The following DET1 variants were observed in gnomAD, a reference collection of about 807,000 sequenced individuals.
DET1 encodes DET1 partner of COP1 E3 ubiquitin ligase.
In DET1, 22 loss-of-function variants were observed where a neutral mutation model predicts 43.7. The ratio of observed to expected loss-of-function variants is 0.50; its 90% CI spans 0.36 to 0.72. The LOEUF is 0.72. DET1 is among the 30% of genes least tolerant of loss of function. The pLI is 0.00. For synonymous variants in DET1, 315 were observed against 266.2 expected, an observed-to-expected ratio of 1.18 and a Z score of -1.79; for missense variants, 713 against 713.3, an observed-to-expected ratio of 1.00 and a Z score of 0.00.
Position 88,512,703 on chromosome 15 carries a change from T to A in DET1, c.*248A>T. On this transcript the variant is annotated 3_prime_UTR_variant, in exon 5 of 5. Transcript: ENST00000268148. ...TAAAGCAAAAATGAAATGGACTTAA[T>A]TAATGCTGGGCATTCCCACAGGGAA... 9 of 1,230,232 alleles carry A rather than the reference T, an allele frequency of 7.3e-6. No homozygotes were observed. Among genetic ancestry groups the A allele is most frequent in the Non-Finnish European group, 8.1e-6 (8 of 985,562 alleles). 76.2% of individuals were successfully genotyped at this position (1,230,232 alleles called of 1,614,324 possible). A position where few individuals can be genotyped will look rare whatever the true frequency, so the allele number is the denominator to read the frequency against.
At chr15:88,528,794 G>A (rs1295123970) in intron 2 of DET1, among the ~76,000 whole-genome samples, 3 of 152,256 alleles carry the variant, frequency 2.0e-5, no homozygotes, top group East Asian at 1.9e-4. Flanking sequence ...GGAGCCATTC[G>A]ACCCACCTGT....
At chr15:88,532,432 T>C (rs996551911) in intron 1 of DET1, among the ~76,000 whole-genome samples, 1 of 152,196 alleles carries the variant, frequency 6.6e-6, no homozygotes, top group Non-Finnish European at 1.5e-5. Flanking sequence ...AAAATCCTAA[T>C]AGCACTTTTC....
chr15:88,527,031 T>C (rs2056681139), intron 3 of DET1, among the ~76,000 whole-genome samples: 1 of 152,216 alleles, frequency 6.6e-6, no homozygotes, highest in African/African-American at 2.4e-5. Flanking sequence ...CTTGAGTTTC[T>C]GCTCTCTGAG....
chr15:88,523,859 ACC>A (rs748332807), intron 3 of DET1, among the ~76,000 whole-genome samples: 2 of 149,126 alleles, frequency 1.3e-5, no homozygotes, highest in East Asian at 2.0e-4. Flanking sequence ...CCCGGCCGCC[ACC>A]CCGTCTGGGA....
At chr15:88,532,173 CAT>C (rs1009163542) in intron 1 of DET1, among the ~76,000 whole-genome samples, 1 of 152,120 alleles carries the variant, frequency 6.6e-6, no homozygotes, top group African/African-American at 2.4e-5. Context: ...CATGGTGGCA[CAT>C]GACTGTAGTT....
chr15:88,516,640 A>C lies in DET1; in HGVS notation c.1463+142T>G. 1.5e-6 allele frequency: 1 copy of C among 651,860 alleles called. No individual in the cohort carries two copies. The highest frequency in any genetic ancestry group is 1.9e-5 in the African/African-American group (1 of 52,652). The allele number at this position is 651,860 out of a possible 1,614,324, so 40.4% of individuals were successfully genotyped here. A position where few individuals can be genotyped will look rare whatever the true frequency, so the allele number is the denominator to read the frequency against. On this transcript the variant is annotated intron_variant, in intron 4 of 4. Coordinates refer to ENST00000268148, the MANE Select transcript of DET1 (RefSeq NM_001144074.3). The surrounding 1 kb of genome is among the most constrained non-coding windows in gnomAD (Gnocchi z 4.4). ...CCTAAATGATCACAGCTCTCACTGC[A>C]TTATAGAAATAGCCTGCCTTTTCAA...
chr15:88,535,923 C>T (rs944060865), intron 1 of DET1, among the ~76,000 whole-genome samples: 2 of 152,054 alleles, frequency 1.3e-5, no homozygotes, highest in Non-Finnish European at 2.9e-5. Context: ...GGTTCAGAGA[C>T]CCCCCAAATT....
Position 88,531,967 on chromosome 15 carries a change from G to A in DET1, c.-10-252C>T, listed in dbSNP as rs1035944392. ...CCAAGTATGCTCAGCTGTTGGGAAAGTTCAACAGAAAAAAACCTACAACTA... is the reference window on the plus strand; with the variant it reads ...CCAAGTATGCTCAGCTGTTGGGAAAATTCAACAGAAAAAAACCTACAACTA... On this transcript the variant is annotated intron_variant, in intron 1 of 4. Transcript: ENST00000268148. The surrounding 1 kb of genome is among the most constrained non-coding windows in gnomAD (Gnocchi z 6.2). The A allele has an allele frequency of 1.4e-5, 6 of 437,632 alleles. No individual in the cohort carries two copies. Among genetic ancestry groups the A allele is most frequent in the East Asian group, 4.0e-5 (1 of 25,208 alleles). The allele number at this position is 437,632 out of a possible 1,614,324, so 27.1% of individuals were successfully genotyped here.
At chr15:88,544,337 G>T (rs2057190271) in intron 1 of DET1, among the ~76,000 whole-genome samples, 1 of 152,192 alleles carries the variant, frequency 6.6e-6, no homozygotes, top group African/African-American at 2.4e-5. Context: ...CTTAGAGTAA[G>T]GTGCACCCTT....
At chr15:88,544,263 C>T (rs749719103) in intron 1 of DET1, among the ~76,000 whole-genome samples, 4 of 152,196 alleles carry the variant, frequency 2.6e-5, no homozygotes, top group Non-Finnish European at 5.9e-5. Flanking sequence ...CCTAAAAAGA[C>T]ACTCTTACAA....
At chr15:88,513,174 G>A in intron 4 of DET1, 34 bp from the exon 5 acceptor site, 1 of 1,564,860 alleles carries the variant, frequency 6.4e-7, no homozygotes, top group Middle Eastern at 1.7e-4. Context: ...AGAGAAAGAG[G>A]GGACAGGATT....
downstream of DET1, among the ~76,000 whole-genome samples, chr15:88,510,583 G>A (rs2056186844): frequency 6.6e-6 from 1 of 152,092 alleles, no homozygotes; most frequent in South Asian, 2.1e-4. Context: ...CTCAACTCAG[G>A]ATTTACTGAC....
At chr15:88,530,432 T>C (rs1227298199) in intron 2 of DET1, among the ~76,000 whole-genome samples, 191 bp downstream of exon 2, 1 of 152,240 alleles carries the variant, frequency 6.6e-6, no homozygotes, top group Admixed American at 6.5e-5. Context: ...ACTTGAACTT[T>C]AGCTTCCATT....
At chr15:88,510,557 T>C (rs555145139), downstream of DET1, among the ~76,000 whole-genome samples, 7 of 152,318 alleles carry the variant, frequency 4.6e-5, no homozygotes, top group South Asian at 1.5e-3. Flanking sequence ...ATACCCAGTA[T>C]CTGACTTAAT....
At chr15:88,543,351 A>G (rs1190052649) in intron 1 of DET1, among the ~76,000 whole-genome samples, 1 of 152,230 alleles carries the variant, frequency 6.6e-6, no homozygotes, top group African/African-American at 2.4e-5. Context: ...CATGCTGTAG[A>G]GACTTTACTA....
Position 88,512,835 on chromosome 15 carries a change from G to A in DET1, c.*116C>T, listed in dbSNP as rs1598312168. Reference sequence around the variant, plus strand: ...TCTCTCTGGCTCTCTCCCATCTGAGGTATAGCAGGCTGGAACTAACAGAGC... The same window carrying A: ...TCTCTCTGGCTCTCTCCCATCTGAGATATAGCAGGCTGGAACTAACAGAGC... On this transcript the variant is annotated 3_prime_UTR_variant, in exon 5 of 5. Coordinates refer to ENST00000268148, the MANE Select transcript of DET1 (RefSeq NM_001144074.3). 1.1e-5 allele frequency: 16 copies of A among 1,484,512 alleles called. No homozygotes were observed. Among genetic ancestry groups the A allele is most frequent in the Non-Finnish European group, 1.4e-5 (16 of 1,115,800 alleles). The allele number at this position is 1,484,512 out of a possible 1,614,324, so 92.0% of individuals were successfully genotyped here. A position where few individuals can be genotyped will look rare whatever the true frequency, so the allele number is the denominator to read the frequency against.
intron 1 of DET1, among the ~76,000 whole-genome samples, chr15:88,544,354 G>T (rs141044766): frequency 9.5e-4 from 145 of 152,294 alleles, no homozygotes; most frequent in African/African-American, 3.4e-3. Context: ...CCTTTATCAG[G>T]CTAGGTTCTC....
rs1371106372 is a variant in DET1 at position 88,514,010 on chromosome 15, A to G, written c.1464-870T>C. 4.0e-5 allele frequency among the ~76,000 whole-genome samples: 6 copies of G among 149,758 alleles called. No homozygotes were observed. The East Asian group carries it at 5.8e-4, about 14-fold the overall frequency. On this transcript the variant is annotated intron_variant, in intron 4 of 4. Coordinates refer to ENST00000268148, the MANE Select transcript of DET1 (RefSeq NM_001144074.3). Reference sequence around the variant, plus strand: ...GAGACGGGGTTTCACCGTGTTAGCCAGGATGGTCTCGATCTCCTGACCTCG... The same window carrying G: ...GAGACGGGGTTTCACCGTGTTAGCCGGGATGGTCTCGATCTCCTGACCTCG...
chr15:88,513,396 T>G (rs2056247541), intron 4 of DET1, among the ~76,000 whole-genome samples: 1 of 152,196 alleles, frequency 6.6e-6, no homozygotes, highest in Admixed American at 6.5e-5. Flanking sequence ...GATGACTCAG[T>G]TTTACAGCCT....
Sources: allele counts gnomAD v4.1 joint callset (sites outside exome capture counted in the v4.1 genomes callset), GRCh38; gene constraint gnomAD v4.1.1; non-coding constraint Gnocchi (gnomAD v3.1); transcripts MANE v1.5; gene names NCBI Gene and HGNC (gene_info 2026-07-23, HGNC 2026-07-21).